Variants in SOHLH1 observed in about 807,000 individuals in gnomAD.
SOHLH1 encodes spermatogenesis- and oogenesis-specific basic helix-loop-helix-containing protein 1.
In SOHLH1, 23 loss-of-function variants were observed where a neutral mutation model predicts 36.2. The observed-to-expected ratio is 0.64, with a 90% CI of 0.46 to 0.90. The LOEUF is 0.90. Among genes scored for constraint, SOHLH1 ranks in the 40% least tolerant of loss-of-function variants. The pLI is 0.00. For synonymous variants in SOHLH1, 289 were observed against 228.3 expected (o/e 1.27, Z -2.40); for missense variants, 608 against 517.0 (o/e 1.18, Z -1.71).
At chr9:135,701,229 C>T (rs1047717054), upstream of SOHLH1, among the ~76,000 whole-genome samples, 1 of 152,184 alleles carries the variant, frequency 6.6e-6, no homozygotes, top group African/African-American at 2.4e-5. Flanking sequence ...TGTTCCCCAC[C>T]CACCCCTCAA....
upstream of SOHLH1, among the ~76,000 whole-genome samples, chr9:135,701,870 C>G (rs2131303477): frequency 6.6e-6 from 1 of 152,300 alleles, no homozygotes. Context: ...CCCTGCTGCC[C>G]GCCAAGGACC....
intron 5 of SOHLH1, among the ~76,000 whole-genome samples, chr9:135,696,363 G>A (rs888893298): frequency 6.6e-6 from 1 of 152,090 alleles, no homozygotes; most frequent in African/African-American, 2.4e-5. Flanking sequence ...CCTTTGCCCA[G>A]GACTCTCCCT....
At position 135,699,470 on chromosome 9, in the gene SOHLH1, A is replaced by G; in HGVS notation, c.-3T>C. On this transcript the variant is annotated 5_prime_UTR_variant, in exon 1 of 8. Transcript: ENST00000425225. ...GGCTCGGAGCACCGGGACGCCATGA[A>G]CTCGCAGCTGCGGAGCGACCCCACG... 1.2e-6 allele frequency: 2 copies of G among 1,611,770 alleles called. No individual in the cohort carries two copies. The highest frequency in any genetic ancestry group is 1.7e-6 in the Non-Finnish European group (2 of 1,179,644).
At chr9:135,695,605 C>T (rs1431803528) in intron 5 of SOHLH1, among the ~76,000 whole-genome samples, 1 of 152,150 alleles carries the variant, frequency 6.6e-6, no homozygotes, top group African/African-American at 2.4e-5. Context: ...GCTCGCTCCC[C>T]ACGTGCCTGG....
In SOHLH1 at chr9:135,693,834, A is replaced by G. The variant is rs1014089192; in HGVS notation, c.947-20T>C. The G allele has an allele frequency of 1.7e-5, 26 of 1,538,064 alleles. No individual in the cohort carries two copies. The highest frequency in any genetic ancestry group is 2.7e-5 in the African/African-American group (2 of 72,904). On this transcript the variant is annotated intron_variant, in intron 7 of 7. Transcript: ENST00000425225. ...GAGACCCTGGAAGCAAACAGGACAC[A>G]TCGGCAGGGCAGGCAGGTGCTCTGG... is the stretch of plus-strand genomic sequence containing the variant.
At position 135,699,143 on chromosome 9, in the gene SOHLH1, G is replaced by A. The variant is rs1269311257; in HGVS notation, c.66-17C>T. The A allele has an allele frequency of 1.1e-5, 18 of 1,584,474 alleles. No individual in the cohort carries two copies. Among genetic ancestry groups the A allele is most frequent in the Non-Finnish European group, 1.5e-5 (18 of 1,168,996 alleles). On this transcript the variant is annotated splice_polypyrimidine_tract_variant and intron_variant, in intron 1 of 7. Transcript: ENST00000425225. The stretch of plus-strand genomic sequence containing the variant: ...AGGGAGCCGCTGCCGAGAAAGCCAA[G>A]AGCACCGGGCCCTGAGAACCCCAGA...
intron 7 of SOHLH1, 23 bp from the exon 8 acceptor site, chr9:135,693,837 G>C: frequency 6.5e-7 from 1 of 1,530,588 alleles, no homozygotes; most frequent in Non-Finnish European, 8.8e-7. Context: ...AGGACACATC[G>C]GCAGGGCAGG....
intron 5 of SOHLH1, 145 bp from the exon 6 acceptor site, chr9:135,695,408 G>A: frequency 5.5e-6 from 4 of 729,514 alleles, no homozygotes; most frequent in Non-Finnish European, 7.1e-6. Context: ...GGACACGTGG[G>A]AGGAAGCTCA....
intron 4 of SOHLH1, among the ~76,000 whole-genome samples, 170 bp from the exon 5 acceptor site, chr9:135,696,975 G>GCTGT (rs1000708668): frequency 3.9e-5 from 6 of 152,196 alleles, no homozygotes; most frequent in Admixed American, 3.9e-4. Flanking sequence ...AAGCTCCACA[G>GCTGT]CTGTCTACCC....
rs1174206233 is a variant in SOHLH1, at chr9:135,696,668, T to C, written c.605A>G (p.Lys202Arg). The C allele has an allele frequency of 6.2e-7, 1 of 1,612,884 alleles. No homozygotes were observed. The highest frequency in any genetic ancestry group is 1.7e-5 in the Admixed American group (1 of 60,002). ...PASCTSLGTD[K>R]CEALLGLCQV... The stretch of plus-strand genomic sequence containing the variant: ...GCACAGCCCCAACAGTGCCTCACAC[T>C]TGTCCGTGCCCAGGGACGTGCAGCT... Residue 202 changes from lysine (K) to arginine (R), a missense_variant, in exon 5 of 8, where the codon AAG becomes AGG. Transcript: ENST00000425225.
In SOHLH1 at chr9:135,698,976, G is replaced by C. The variant is rs767586596; in HGVS notation, c.197+19C>G. ...ACCCCTTTACAGCGCCCTCACCCCT[G>C]GGAGGCACCACCACTCACCTGCGCT... On this transcript the variant is annotated intron_variant, in intron 2 of 7. Transcript: ENST00000425225. 1 of 1,611,244 alleles carries C rather than the reference G, an allele frequency of 6.2e-7. No individual in the cohort carries two copies. The highest frequency in any genetic ancestry group is 1.7e-5 in the Admixed American group (1 of 60,008).
chr9:135,698,925 G>A lies in SOHLH1; in HGVS notation c.197+70C>T, dbSNP rs979983071. ...CCCAGCTGCCTGACACCTGGTGGCA[G>A]CCCCGAACATAATCTCACCCGCTCC... On this transcript the variant is annotated intron_variant, in intron 2 of 7. Coordinates refer to ENST00000425225, the MANE Select transcript of SOHLH1 (RefSeq NM_001101677.2). 1.5e-5 allele frequency: 24 copies of A among 1,606,198 alleles called. No individual in the cohort carries two copies. The South Asian group carries it at 2.0e-4, about 13-fold the overall frequency.
chr9:135,699,673 G>GTGC, upstream of SOHLH1: 1 of 646,522 alleles, frequency 1.5e-6, no homozygotes, highest in Non-Finnish European at 2.8e-6. Context: ...TGCAAAGAAG[G>GTGC]TGCTGGAAAG....
At chr9:135,697,676 G>A (rs745704188) in intron 3 of SOHLH1, 49 bp from the exon 4 acceptor site, 8 of 1,588,536 alleles carry the variant, frequency 5.0e-6, no homozygotes, top group East Asian at 2.3e-5. Flanking sequence ...AGTCAGCTGA[G>A]AAACCCAAGA....
intron 1 of SOHLH1, 63 bp downstream of exon 1, chr9:135,699,340 G>C (rs774221052): frequency 6.4e-6 from 10 of 1,554,100 alleles, no homozygotes; most frequent in Non-Finnish European, 7.9e-6. Context: ...AGCAACTTGC[G>C]GAAGAACCCC....
chr9:135,695,256 G>A lies in SOHLH1; in HGVS notation c.669C>T (p.Ser223=). 1 of 1,593,264 alleles carries A rather than the reference G, an allele frequency of 6.3e-7. No homozygotes were observed. Among genetic ancestry groups the A allele is most frequent in the Non-Finnish European group, 8.5e-7 (1 of 1,171,926 alleles). ...GGCCTGGGGGCCACGGCACCAGGCT[G>A]GAAGGTTCTGGGAGAGAAGTCAGAT... is the stretch of plus-strand genomic sequence containing the variant. ...RGGLPPFSEP[S]SLVPWPPGRS... is the part of the protein sequence containing the mutation. The change falls in exon 6 of 8, where the codon TCC becomes TCT. Residue 223 remains serine (S), a synonymous_variant. Transcript: ENST00000425225.
Position 135,698,370 on chromosome 9 carries a change from G to T in SOHLH1, c.304C>A (p.Arg102=). The part of the protein sequence containing the change: ...SVLEMSVQFL[R]LASALGPSQE... ...CTGGGCCCCAGGGCGCTGGCAAGCC[G>T]CAGGAACTGCACAGACATCTCCAGG... The change falls in exon 3 of 8, where the codon CGG becomes AGG. Residue 102 remains arginine, a synonymous_variant. Transcript: ENST00000425225. The T allele has an allele frequency of 1.9e-6, 3 of 1,613,096 alleles. No homozygotes were observed. The highest frequency in any genetic ancestry group is 2.2e-5 in the South Asian group (2 of 91,082).
At chr9:135,699,696 T>A (rs1432491117), upstream of SOHLH1, among the ~76,000 whole-genome samples, 1 of 147,080 alleles carries the variant, frequency 6.8e-6, no homozygotes, top group Non-Finnish European at 1.5e-5. Flanking sequence ...ACTCGGGGGG[T>A]CCACCCACTC....
At chr9:135,700,008 C>T (rs1834978150), upstream of SOHLH1, among the ~76,000 whole-genome samples, 1 of 152,128 alleles carries the variant, frequency 6.6e-6, no homozygotes, top group Non-Finnish European at 1.5e-5. Context: ...GCAGACGCTG[C>T]GCCTCAGGGT....
Sources: allele counts gnomAD v4.1 joint callset (sites outside exome capture counted in the v4.1 genomes callset), GRCh38; gene constraint gnomAD v4.1.1; transcripts MANE v1.5; gene names NCBI Gene and HGNC (gene_info 2026-07-23, HGNC 2026-07-21).